Variants in TTC6 observed in about 807,000 individuals in gnomAD.
TTC6 encodes tetratricopeptide repeat domain 6.
A neutral mutation model predicts 210.4 loss-of-function variants in TTC6; 172 were observed. The observed-to-expected ratio is 0.82, with a 90% CI of 0.72 to 0.93. The LOEUF (loss-of-function observed/expected upper bound fraction) is 0.93. Among genes scored for constraint, TTC6 ranks in the 40% least tolerant of loss-of-function variants. The pLI is 0.00. For missense variants in TTC6, 2,414 were observed against 2,318.1 expected (o/e 1.04, Z -0.85); for synonymous variants, 804 against 819.6 (o/e 0.98, Z 0.32).
At chr14:37,715,220 A>G (rs988258817) in intron 6 of TTC6, among the ~76,000 whole-genome samples, 9 of 152,224 alleles carry the variant, frequency 5.9e-5, no homozygotes, top group Middle Eastern at 3.4e-3. Context: ...AGTTATATCT[A>G]TTAACATGCT....
chr14:37,826,174 G>A, intron 27 of TTC6, 21 bp from the exon 30 acceptor site: 1 of 1,586,150 alleles, frequency 6.3e-7, no homozygotes, highest in Non-Finnish European at 8.6e-7. Context: ...CCTACTTCGT[G>A]TAATTGGAAA....
intron 2 of TTC6, among the ~76,000 whole-genome samples, chr14:37,609,934 G>C (rs1038132360): frequency 2.0e-5 from 3 of 152,216 alleles, no homozygotes; most frequent in African/African-American, 7.2e-5. Context: ...TGTAAATGCA[G>C]TAAAATCGCA....
At chr14:37,688,427 A>T (rs1036706686) in intron 3 of TTC6, among the ~76,000 whole-genome samples, 1 of 152,082 alleles carries the variant, frequency 6.6e-6, no homozygotes, top group Non-Finnish European at 1.5e-5. Flanking sequence ...GTAGAGCTCT[A>T]GGTCTTTGAG....
intron 18 of TTC6, 92 bp downstream of exon 20, chr14:37,795,444 T>A: frequency 1.3e-6 from 1 of 749,074 alleles, no homozygotes; most frequent in Non-Finnish European, 2.0e-6. Flanking sequence ...CCTTTCAGGC[T>A]CCCCATTTTA....
intron 1 of TTC6, among the ~76,000 whole-genome samples, chr14:37,606,160 A>G (rs2095624744): frequency 1.3e-5 from 2 of 152,122 alleles, no homozygotes; most frequent in Non-Finnish European, 2.9e-5. Flanking sequence ...GGAGGTAATC[A>G]ATGCCAGGGA....
intron 29 of TTC6, among the ~76,000 whole-genome samples, chr14:37,834,307 C>A (rs2096192904): frequency 6.6e-6 from 1 of 151,946 alleles, no homozygotes; most frequent in Admixed American, 6.6e-5. Context: ...TTTGAACTCC[C>A]AAAATTGAAT....
At chr14:37,634,723 A>G (rs887211019) in intron 1 of TTC6, among the ~76,000 whole-genome samples, 1 of 152,238 alleles carries the variant, frequency 6.6e-6, no homozygotes, top group Non-Finnish European at 1.5e-5. Context: ...CAAAAATTTA[A>G]AGCAGTGAGA....
intron 29 of TTC6, among the ~76,000 whole-genome samples, chr14:37,834,815 A>G (rs2096194033): frequency 6.6e-6 from 1 of 152,104 alleles, no homozygotes; most frequent in Non-Finnish European, 1.5e-5. Flanking sequence ...AATTTTATTA[A>G]GTAGCTTCCA....
At chr14:37,611,994 T>G (rs1265074817) in intron 2 of TTC6, among the ~76,000 whole-genome samples, 1 of 151,966 alleles carries the variant, frequency 6.6e-6, no homozygotes, top group Non-Finnish European at 1.5e-5. Context: ...ATCAATAGTT[T>G]TTTTTTTTAA....
rs766616793 is a variant in TTC6 at position 37,792,377 on chromosome 14, T to C, written c.3671T>C (p.Ile1224Thr). The C allele has an allele frequency of 2.0e-5, 30 of 1,523,248 alleles. No individual in the cohort carries two copies. The African/African-American group carries it at 4.0e-4, about 20-fold the overall frequency. The allele number at this position is 1,523,248 out of a possible 1,614,324, so 94.4% of individuals were successfully genotyped here. A position where few individuals can be genotyped will look rare whatever the true frequency, so the allele number is the denominator to read the frequency against. ...GCTATTAGAATTGATCCTTTATGTA[T>C]TCAAAGCTATCTTTGTCGGGCGGAA... The change falls in exon 17 of 31, where the codon ATT (isoleucine) becomes ACT (threonine). Residue 1224 changes from isoleucine to threonine, a missense_variant. Transcript: ENST00000553443.
chr14:37,791,993 AAG>A (rs948384331), intron 16 of TTC6, among the ~76,000 whole-genome samples: 1 of 152,172 alleles, frequency 6.6e-6, no homozygotes, highest in Non-Finnish European at 1.5e-5. Flanking sequence ...TAAATCAAAG[AAG>A]AGTAAAGTTT....
At chr14:37,679,613 C>T (rs910396040) in intron 1 of TTC6, among the ~76,000 whole-genome samples, 1 of 151,972 alleles carries the variant, frequency 6.6e-6, no homozygotes, top group Non-Finnish European at 1.5e-5. Context: ...ACCTAATTAT[C>T]TTGTTAAATC....
intron 29 of TTC6, among the ~76,000 whole-genome samples, chr14:37,837,077 G>A (rs940786088): frequency 6.6e-6 from 1 of 152,072 alleles, no homozygotes; most frequent in African/African-American, 2.4e-5. Context: ...GATACCTTTA[G>A]CCTCTAACTG....
intron 11 of TTC6, 64 bp downstream of exon 13, chr14:37,749,465 A>G (rs910656217): frequency 7.4e-7 from 1 of 1,358,900 alleles, no homozygotes; most frequent in African/African-American, 1.5e-5. Context: ...TTGTATAGTA[A>G]TTTTTGCTGA....
At chr14:37,825,840 A>G (rs2096169802) in intron 27 of TTC6, among the ~76,000 whole-genome samples, 1 of 152,034 alleles carries the variant, frequency 6.6e-6, no homozygotes, top group Non-Finnish European at 1.5e-5. Context: ...AATAAATACA[A>G]TCCCTCCTTA....
At chr14:37,713,966 G>A (rs866993721) in intron 5 of TTC6, among the ~76,000 whole-genome samples, 2 of 152,102 alleles carry the variant, frequency 1.3e-5, no homozygotes, top group African/African-American at 4.8e-5. Context: ...GCACATGACT[G>A]TGTATATATT....
intron 20 of TTC6, 112 bp downstream of exon 22, chr14:37,797,059 C>T (rs1168413655): frequency 2.0e-6 from 2 of 1,012,712 alleles, no homozygotes; most frequent in Admixed American, 7.8e-5. Flanking sequence ...TATTTATTTT[C>T]TGTGAATTAA....
intron 20 of TTC6, among the ~76,000 whole-genome samples, chr14:37,797,365 G>A (rs1198949577): frequency 1.3e-5 from 2 of 151,940 alleles, no homozygotes; most frequent in Non-Finnish European, 2.9e-5. Flanking sequence ...CCAATTTGGT[G>A]GATAAAAATT....
chr14:37,652,254 T>G lies in TTC6; in HGVS notation c.940-27897T>G, dbSNP rs141763651. ...GTAAAAAATGATCAGATCAGCAATT[T>G]TATATGGTTCACCTTAATCCATTGC... is the stretch of plus-strand genomic sequence containing the variant. On this transcript the variant is annotated intron_variant, in intron 1 of 30. Coordinates refer to ENST00000553443, the Ensembl canonical transcript of TTC6. Among the ~76,000 whole-genome samples the G allele has an allele frequency of 3.6e-3, 545 of 152,284 alleles. 4 individuals carry two copies. The highest frequency in any genetic ancestry group is 0.013 in the African/African-American group (524 of 41,568).
Sources: allele counts gnomAD v4.1 joint callset (sites outside exome capture counted in the v4.1 genomes callset), GRCh38; gene constraint gnomAD v4.1.1; transcripts MANE v1.5; gene names NCBI Gene and HGNC (gene_info 2026-07-23, HGNC 2026-07-21).